Variants in SNCAIP observed in about 807,000 individuals in gnomAD.
The protein encoded by SNCAIP is synphilin-1.
A neutral mutation model predicts 86.7 loss-of-function variants in SNCAIP; 43 were observed. That is an observed-to-expected ratio of 0.50 (90% CI 0.39 to 0.64). The LOEUF is 0.64. SNCAIP is among the 30% of genes least tolerant of loss of function. SNCAIP has a pLI of 0.00. For missense variants in SNCAIP, 981 were observed against 1,103.1 expected, an observed-to-expected ratio of 0.89 and a Z score of 1.57; for synonymous variants, 417 against 427.2, an observed-to-expected ratio of 0.98 and a Z score of 0.29.
At chr5:122,342,081 G>C (rs925230280) in intron 1 of SNCAIP, among the ~76,000 whole-genome samples, 3 of 152,186 alleles carry the variant, frequency 2.0e-5, no homozygotes, top group Non-Finnish European at 4.4e-5. Context: ...GATTTTAGCT[G>C]TTTGCCCATC....
chr5:122,443,790 C>T (rs1258798822), intron 7 of SNCAIP: 5 of 405,700 alleles, frequency 1.2e-5, no homozygotes, highest in African/African-American at 4.1e-5. Flanking sequence ...CACTGATGCC[C>T]TCTGTGCCAA....
intron 7 of SNCAIP, among the ~76,000 whole-genome samples, chr5:122,442,002 T>G (rs536634234): frequency 8.9e-4 from 136 of 152,194 alleles, no homozygotes; most frequent in African/African-American, 3.1e-3. Flanking sequence ...AACATATGGT[T>G]GAAGGTCATG....
intron 6 of SNCAIP, among the ~76,000 whole-genome samples, chr5:122,439,882 T>C (rs1780421571): frequency 6.6e-6 from 1 of 152,104 alleles, no homozygotes; most frequent in Non-Finnish European, 1.5e-5. Context: ...CACAAAACAC[T>C]CAGTGGGTAA....
At chr5:122,385,673 ATGTG>A (rs371793989) in intron 1 of SNCAIP, among the ~76,000 whole-genome samples, 6,532 of 138,342 alleles carry the variant, frequency 0.047, 313 homozygotes, top group African/African-American at 0.14. Context: ...GTGCGCACGT[ATGTG>A]TGTGTGTGTG....
intron 3 of SNCAIP, among the ~76,000 whole-genome samples, chr5:122,418,399 A>C (rs1016235266): frequency 6.6e-6 from 1 of 152,172 alleles, no homozygotes; most frequent in Non-Finnish European, 1.5e-5. Flanking sequence ...TTTATTTAAT[A>C]TATTTTTCTA....
At chr5:122,398,844 C>T (rs1053013074) in intron 2 of SNCAIP, among the ~76,000 whole-genome samples, 26 of 152,218 alleles carry the variant, frequency 1.7e-4, no homozygotes, top group Admixed American at 1.2e-3. Flanking sequence ...CAGAGATCCC[C>T]GTAGCCCAAC....
At chr5:122,432,178 A>G (rs1778544916) in intron 6 of SNCAIP, 96 bp downstream of exon 6, 1 of 717,610 alleles carries the variant, frequency 1.4e-6, no homozygotes, top group Non-Finnish European at 2.6e-6. Flanking sequence ...ATAAGAAATC[A>G]TCAAAAATGT....
chr5:122,416,586 C>T (rs1307794069), intron 3 of SNCAIP, among the ~76,000 whole-genome samples: 4 of 152,194 alleles, frequency 2.6e-5, no homozygotes, highest in African/African-American at 4.8e-5. Flanking sequence ...GTCATGGTCT[C>T]ATCTCTCAGG....
At chr5:122,403,949 C>T in intron 3 of SNCAIP, 84 bp downstream of exon 3, 1 of 989,868 alleles carries the variant, frequency 1.0e-6, no homozygotes, top group South Asian at 1.3e-5. Context: ...ACACTGGTCC[C>T]CCCTGCTTTC....
chr5:122,380,529 T>C (rs1237875270), intron 1 of SNCAIP, among the ~76,000 whole-genome samples: 1 of 150,212 alleles, frequency 6.7e-6, no homozygotes, highest in East Asian at 1.9e-4. Flanking sequence ...GTTTTTTGTG[T>C]CTCTATTTCC....
chr5:122,444,930 A>G, intron 8 of SNCAIP, 198 bp downstream of exon 8: 1 of 627,942 alleles, frequency 1.6e-6, no homozygotes, highest in Non-Finnish European at 2.9e-6. Flanking sequence ...AGGCAAAAGG[A>G]TGTCTAAACA....
At chr5:122,457,038 G>C (rs549038734) in intron 10 of SNCAIP, among the ~76,000 whole-genome samples, 13 of 152,276 alleles carry the variant, frequency 8.5e-5, no homozygotes, top group South Asian at 4.1e-4. Flanking sequence ...GTTTTACTCT[G>C]TCACCCAGGC....
At chr5:122,362,993 ATTTTTT>A (rs769726232) in intron 1 of SNCAIP, among the ~76,000 whole-genome samples, 2 of 113,948 alleles carry the variant, frequency 1.8e-5, no homozygotes, top group South Asian at 2.9e-4. Context: ...CATAAATTCT[ATTTTTT>A]TTTTTTTTTT....
In SNCAIP at chr5:122,312,256, C is replaced by G. The variant is rs13181212; in HGVS notation, c.-75C>G. On this transcript the variant is annotated 5_prime_UTR_variant, in exon 1 of 11. Coordinates refer to ENST00000261368, the MANE Select transcript of SNCAIP (RefSeq NM_005460.4). ...TCGGTCAGTCAGTCCCTTCGCGCTC[C>G]TGAGCCGCCGGCGCGCCGGGCGCCC... 6.6e-6 allele frequency: 1 copy of G among 150,466 alleles called. No homozygotes were observed. The highest frequency in any genetic ancestry group is 1.5e-5 in the Non-Finnish European group (1 of 67,584). The allele number at this position is 150,466 out of a possible 1,614,324, so 9.3% of individuals were successfully genotyped here.
intron 1 of SNCAIP, among the ~76,000 whole-genome samples, chr5:122,353,501 C>G (rs1760326799): frequency 6.6e-6 from 1 of 151,732 alleles, no homozygotes. Context: ...GGCTGTGCCC[C>G]CACCCAAATC....
intron 1 of SNCAIP, among the ~76,000 whole-genome samples, chr5:122,353,166 G>T (rs1760222589): frequency 6.6e-6 from 1 of 152,084 alleles, no homozygotes. Flanking sequence ...CAACAGTGTG[G>T]ATAAGTCTTC....
At position 122,357,794 on chromosome 5, in the gene SNCAIP, G is replaced by A. The variant is rs1238114314; in HGVS notation, c.-46-33295G>A. Among the ~76,000 whole-genome samples, 5 of 152,126 alleles carry A rather than the reference G, an allele frequency of 3.3e-5. No homozygotes were observed. The East Asian group carries it at 5.8e-4, about 18-fold the overall frequency. ...AATAAAGACTAAAATTCAGTCCCTC[G>A]ATTGTAGTAGCCACATTTCAAATGC... On this transcript the variant is annotated intron_variant, in intron 1 of 10. Coordinates refer to ENST00000261368, the MANE Select transcript of SNCAIP (RefSeq NM_005460.4).
In SNCAIP at chr5:122,450,997, T is replaced by C; in HGVS notation, c.2150T>C (p.Leu717Pro). The C allele has an allele frequency of 6.2e-7, 1 of 1,614,174 alleles. No homozygotes were observed. Among genetic ancestry groups the C allele is most frequent in the Non-Finnish European group, 8.5e-7 (1 of 1,180,016 alleles). The change falls in exon 10 of 11, where the codon CTG becomes CCG. Residue 717 changes from leucine (L) to proline (P), a missense_variant. Coordinates refer to ENST00000261368, the MANE Select transcript of SNCAIP (RefSeq NM_005460.4). ...GAGAGTATGGACAGCGCAGAAAGCC[T>C]GCACCTGATGATTAAGAAACACACC... ...SVESMDSAESLHLMIKKHTLA... is the reference protein window; with the variant it reads ...SVESMDSAESPHLMIKKHTLA...
rs1268513680 is a variant in SNCAIP, at chr5:122,438,530, T to C, written c.1297-2099T>C. ...TTTGTATTAGTCTTTCTTAAATGTA[T>C]GTATAGCTCATATTTGTTTCAATGT... On this transcript the variant is annotated intron_variant, in intron 6 of 10. Transcript: ENST00000261368. 5.3e-5 allele frequency among the ~76,000 whole-genome samples: 8 copies of C among 152,238 alleles called. No individual in the cohort carries two copies. In the East Asian group the frequency reaches 1.3e-3, roughly 26 times the overall value.
Sources: gnomAD v4.1 joint callset for allele counts (sites outside exome capture counted in the v4.1 genomes callset) on GRCh38, gnomAD v4.1.1 for gene constraint, MANE v1.5 for transcripts, NCBI Gene and HGNC (gene_info 2026-07-23, HGNC 2026-07-21) for gene names.